The following NAV3 variants were observed in gnomAD, a reference collection of about 807,000 sequenced individuals.
The protein encoded by NAV3 is neuron navigator 3, also known as pore membrane and/or filament interacting like protein 1.
Under a neutral mutation model 244.7 loss-of-function variants are expected in NAV3, and 87 were observed. The ratio of observed to expected loss-of-function variants is 0.36; its 90% CI spans 0.30 to 0.42. The LOEUF (loss-of-function observed/expected upper bound fraction) is 0.42, where lower values mean the gene tolerates loss of function less well. NAV3 is among the 20% of genes least tolerant of loss of function. The pLI, the probability that NAV3 is intolerant of heterozygous loss-of-function variation, is 1.00. For missense variants in NAV3, 2,663 were observed against 2,893.3 expected, an observed-to-expected ratio of 0.92 and a Z score of 1.83; for synonymous variants, 1,126 against 1,042.2, an observed-to-expected ratio of 1.08 and a Z score of -1.55.
In NAV3 at chr12:78,190,081, A is replaced by C; in HGVS notation, c.6153A>C (p.Arg2051Ser). ...RYFNLLMEHH[R>S]IILSGPSGTG... Reference sequence around the variant, plus strand: ...TTAACTTGTTGATGGAGCATCACAGAATTATACTCTCAGGACCGAGTGGTA... The same window carrying C: ...TTAACTTGTTGATGGAGCATCACAGCATTATACTCTCAGGACCGAGTGGTA... Residue 2051 changes from arginine to serine, a missense_variant, in exon 34 of 40, where the codon AGA becomes AGC. By Grantham distance (110) the Arg-to-Ser change is moderately radical. This residue lies in a region of NAV3 where 543 missense variants were observed against 672.4 expected (regional missense o/e 0.81). Transcript: ENST00000397909. 1 of 1,613,256 alleles carries C rather than the reference A, an allele frequency of 6.2e-7. No individual in the cohort carries two copies. Among genetic ancestry groups the C allele is most frequent in the Non-Finnish European group, 8.5e-7 (1 of 1,179,516 alleles).
intron 23 of NAV3, 70 bp downstream of exon 23, chr12:78,159,356 T>C (rs1398056840): frequency 1.5e-6 from 2 of 1,311,418 alleles, no homozygotes; most frequent in Non-Finnish European, 1.1e-6. Context: ...AAATAATACC[T>C]GAAGCTCCTT....
At chr12:77,626,577 T>C (rs1281687986) in intron 2 of NAV3, among the ~76,000 whole-genome samples, 1 of 151,982 alleles carries the variant, frequency 6.6e-6, no homozygotes, top group East Asian at 1.9e-4. Flanking sequence ...TATAAGGGCA[T>C]CTCCATCAGA....
intron 1 of NAV3, among the ~76,000 whole-genome samples, chr12:77,901,571 G>A (rs187150689): frequency 2.3e-4 from 35 of 152,186 alleles, no homozygotes; most frequent in Admixed American, 4.6e-4. Flanking sequence ...TTAACCAGGC[G>A]TGGTGACAGG....
At chr12:78,089,199 T>C (rs1385504643) in intron 12 of NAV3, among the ~76,000 whole-genome samples, 1 of 152,124 alleles carries the variant, frequency 6.6e-6, no homozygotes, top group African/African-American at 2.4e-5. Context: ...ATTTATGGAA[T>C]TCAACCAATT....
intron 1 of NAV3, among the ~76,000 whole-genome samples, chr12:77,924,475 G>T (rs938386911): frequency 1.4e-4 from 22 of 152,082 alleles, no homozygotes; most frequent in Non-Finnish European, 1.5e-5. Flanking sequence ...AATGTAATAG[G>T]TTCTCTCATG....
At chr12:78,106,044 A>G (rs985934112) in intron 12 of NAV3, among the ~76,000 whole-genome samples, 14 of 151,650 alleles carry the variant, frequency 9.2e-5, no homozygotes, top group Admixed American at 6.6e-5. Context: ...AGGAAAAAAT[A>G]TCTGTTAGCT....
intron 9 of NAV3, among the ~76,000 whole-genome samples, chr12:78,048,678 G>A (rs571543085): frequency 6.6e-5 from 10 of 152,328 alleles, no homozygotes; most frequent in South Asian, 2.1e-4. Context: ...GTGTCTCCTC[G>A]TCAGGAGGCA....
intron 9 of NAV3, among the ~76,000 whole-genome samples, chr12:78,033,119 T>C (rs1292165304): frequency 6.6e-6 from 1 of 152,170 alleles, no homozygotes; most frequent in African/African-American, 2.4e-5. Context: ...TAGAAGAATT[T>C]AGGTTAACCA....
chr12:77,705,436 A>G (rs1875752650), intron 2 of NAV3, among the ~76,000 whole-genome samples: 1 of 151,280 alleles, frequency 6.6e-6, no homozygotes, highest in South Asian at 2.1e-4. Context: ...ATCTCAGACT[A>G]CCCTGAAATT....
At chr12:77,972,601 A>T (rs1893089831) in intron 5 of NAV3, among the ~76,000 whole-genome samples, 2 of 152,104 alleles carry the variant, frequency 1.3e-5, no homozygotes, top group African/African-American at 2.4e-5. Context: ...AAAAAGGTAG[A>T]TAAAAATTCT....
intron 2 of NAV3, among the ~76,000 whole-genome samples, chr12:77,661,270 C>A (rs564244134): frequency 3.3e-4 from 50 of 152,200 alleles, no homozygotes; most frequent in African/African-American, 1.2e-3. Context: ...TTATTTTAGT[C>A]ATTCTAGTGT....
At chr12:77,979,862 C>T (rs1349184808) in intron 5 of NAV3, among the ~76,000 whole-genome samples, 1 of 152,076 alleles carries the variant, frequency 6.6e-6, no homozygotes, top group East Asian at 1.9e-4. Context: ...GTGTGCTACA[C>T]AGAAAGCCAC....
chr12:77,880,820 G>A (rs1882540729), intron 1 of NAV3, among the ~76,000 whole-genome samples: 1 of 152,140 alleles, frequency 6.6e-6, no homozygotes, highest in Non-Finnish European at 1.5e-5. Flanking sequence ...GCCTCGGTGT[G>A]TAGTGGGCTG....
upstream of NAV3, among the ~76,000 whole-genome samples, chr12:77,829,793 A>G (rs1457864976): frequency 6.6e-6 from 1 of 152,162 alleles, no homozygotes; most frequent in African/African-American, 2.4e-5. Flanking sequence ...TCATCTATAA[A>G]TTACTGCTTC....
chr12:78,069,760 A>G (rs1952659416), intron 12 of NAV3, among the ~76,000 whole-genome samples: 1 of 151,924 alleles, frequency 6.6e-6, no homozygotes. Flanking sequence ...CAAATTTTGA[A>G]CTTACTAGGA....
intron 2 of NAV3, among the ~76,000 whole-genome samples, chr12:77,609,755 T>G (rs933126847): frequency 6.6e-6 from 1 of 152,030 alleles, no homozygotes; most frequent in Non-Finnish European, 1.5e-5. Flanking sequence ...CCTACCAACA[T>G]GTGAACCATC....
At chr12:78,018,681 G>A (rs1463748870) in intron 8 of NAV3, among the ~76,000 whole-genome samples, 1 of 152,148 alleles carries the variant, frequency 6.6e-6, no homozygotes. Context: ...GTCAACCCTG[G>A]CTCCCAGCCA....
At chr12:78,141,597 A>C (rs985832029) in intron 20 of NAV3, among the ~76,000 whole-genome samples, 4 of 152,176 alleles carry the variant, frequency 2.6e-5, no homozygotes, top group African/African-American at 9.7e-5. Flanking sequence ...ACTGCCTTAC[A>C]TAGTCATTCA....
rs375690466 is a variant in NAV3, at chr12:78,122,010, G to A, written c.3820G>A (p.Val1274Ile). The change falls in exon 16 of 40, where the codon GTA becomes ATA. Residue 1274 changes from valine to isoleucine, a missense_variant. Val to Ile is a conservative substitution (Grantham distance 29). Coordinates refer to ENST00000397909, the MANE Select transcript of NAV3 (RefSeq NM_001024383.2). The stretch of plus-strand genomic sequence containing the variant: ...TACTGAGGGTGTGAAATCTTCCTCA[G>A]TAATGCCCAGCCCTAGTACCACATT... ...PNTEGVKSSS[V>I]MPSPSTTLAR... 6.2e-7 allele frequency: 1 copy of A among 1,614,106 alleles called. No homozygotes were observed. Among genetic ancestry groups the A allele is most frequent in the Non-Finnish European group, 8.5e-7 (1 of 1,180,056 alleles).
Sources: allele counts gnomAD v4.1 joint callset (sites outside exome capture counted in the v4.1 genomes callset), GRCh38; gene constraint gnomAD v4.1.1; regional missense constraint gnomAD v4.1.1; transcripts MANE v1.5; gene names NCBI Gene and HGNC (gene_info 2026-07-23, HGNC 2026-07-21).